KDM4C: variants seen among roughly 807,000 people sequenced by gnomAD.
The protein encoded by KDM4C is lysine demethylase 4C, also known as lysine-specific demethylase 4C.
In KDM4C, 81 loss-of-function variants were observed where a neutral mutation model predicts 129.3. The observed-to-expected ratio is 0.63, with a 90% CI of 0.52 to 0.75. The LOEUF is 0.75. Ranked by LOEUF, KDM4C falls within the 30% of genes least tolerant of loss-of-function variation. The pLI, the probability that KDM4C is intolerant of heterozygous loss-of-function variation, is 0.00. For missense variants in KDM4C, 1,457 were observed against 1,304.0 expected, an observed-to-expected ratio of 1.12 and a Z score of -1.81; for synonymous variants, 573 against 456.1, an observed-to-expected ratio of 1.26 and a Z score of -3.26.
intron 1 of KDM4C, among the ~76,000 whole-genome samples, chr9:6,747,414 G>C (rs1254844928): frequency 1.3e-5 from 2 of 151,792 alleles, no homozygotes; most frequent in Non-Finnish European, 2.9e-5. Context: ...TGGGCGTGGT[G>C]GTGGGCGCCT....
intron 15 of KDM4C, among the ~76,000 whole-genome samples, chr9:7,024,673 T>C (rs1266140180): frequency 6.6e-6 from 1 of 152,250 alleles, no homozygotes; most frequent in Non-Finnish European, 1.5e-5. Flanking sequence ...TCATCATTTT[T>C]TATGGCTGCA....
chr9:6,960,282 AT>A (rs34061929), intron 8 of KDM4C, among the ~76,000 whole-genome samples: 200 of 143,192 alleles, frequency 1.4e-3, no homozygotes, highest in Middle Eastern at 7.2e-3. Flanking sequence ...AATGTTTTTA[AT>A]TTTTTTTTTT....
chr9:6,728,929 G>A (rs1024221860), intron 1 of KDM4C, among the ~76,000 whole-genome samples: 1 of 151,884 alleles, frequency 6.6e-6, no homozygotes, highest in African/African-American at 2.4e-5. Flanking sequence ...AAGAAGGCTG[G>A]GCGCGGTGGT....
At chr9:6,949,237 C>T (rs1827622632) in intron 8 of KDM4C, among the ~76,000 whole-genome samples, 1 of 151,680 alleles carries the variant, frequency 6.6e-6, no homozygotes, top group African/African-American at 2.4e-5. Flanking sequence ...ACGCTCCTCA[C>T]CTCCCAGACG....
At chr9:6,992,756 C>T (rs970863064) in intron 12 of KDM4C, among the ~76,000 whole-genome samples, 6 of 152,200 alleles carry the variant, frequency 3.9e-5, no homozygotes, top group African/African-American at 1.4e-4. Context: ...GATTTTCTGT[C>T]CTAACTATTC....
chr9:6,973,702 A>G (rs1011396204), intron 8 of KDM4C: 1 of 152,188 alleles, frequency 6.6e-6, no homozygotes, highest in Non-Finnish European at 1.5e-5. Flanking sequence ...TTATGCATGC[A>G]TAGCTAGTTT....
At chr9:6,939,244 T>C (rs1056563323) in intron 8 of KDM4C, among the ~76,000 whole-genome samples, 3 of 151,948 alleles carry the variant, frequency 2.0e-5, no homozygotes, top group East Asian at 3.9e-4. Context: ...TAGATTCTCA[T>C]AGAGTGTGAA....
Position 7,133,947 on chromosome 9 carries a change from A to G in KDM4C, c.2781+5711A>G, listed in dbSNP as rs150258247. ...TCCTAGATGTTCAGGTCAGGTAGCC[A>G]TGCATATATGGCATTGGCAGATACC... On this transcript the variant is annotated intron_variant, in intron 19 of 21. Transcript: ENST00000381309. Among the ~76,000 whole-genome samples the G allele has an allele frequency of 1.5e-3, 235 of 152,314 alleles. 1 individual carries two copies. Among genetic ancestry groups the G allele is most frequent in the Admixed American group, 6.0e-3 (92 of 15,302 alleles).
intron 8 of KDM4C, among the ~76,000 whole-genome samples, chr9:6,897,799 T>C (rs1209049026): frequency 1.3e-5 from 2 of 152,244 alleles, no homozygotes; most frequent in Non-Finnish European, 2.9e-5. Context: ...TTAGGAATCT[T>C]TGTAGCTTTG....
intron 9 of KDM4C, among the ~76,000 whole-genome samples, chr9:6,983,330 A>C (rs1303861941): frequency 3.3e-5 from 5 of 152,158 alleles, no homozygotes; most frequent in Admixed American, 6.6e-5. Flanking sequence ...TGTTTGTTTC[A>C]TATGTAAAAA....
rs1396376215 is a variant in KDM4C at position 7,013,933 on chromosome 9, C to A, written c.2114C>A (p.Ala705Asp). Reference sequence around the variant, plus strand: ...AATATAGAATATTCTCCACCCAATGCCTTCCTTGAAGAGGATGGAACAAGT... The same window carrying A: ...AATATAGAATATTCTCCACCCAATGACTTCCTTGAAGAGGATGGAACAAGT... ...EENIEYSPPN[A>D]FLEEDGTSLL... The change falls in exon 14 of 22, where the codon GCC becomes GAC. Residue 705 changes from alanine to aspartate, a missense_variant. By Grantham distance (126) the Ala-to-Asp change is moderately radical. Transcript: ENST00000381309. The A allele has an allele frequency of 6.2e-7, 1 of 1,614,014 alleles. No homozygotes were observed. Among genetic ancestry groups the A allele is most frequent in the Non-Finnish European group, 8.5e-7 (1 of 1,179,890 alleles).
intron 1 of KDM4C, among the ~76,000 whole-genome samples, chr9:6,722,142 T>C (rs986720152): frequency 6.6e-6 from 1 of 152,192 alleles, no homozygotes; most frequent in African/African-American, 2.4e-5. Context: ...AAATTTGGCA[T>C]CCAACCTGAG....
intron 8 of KDM4C, among the ~76,000 whole-genome samples, chr9:6,979,878 C>G (rs748205050): frequency 6.6e-6 from 1 of 152,048 alleles, no homozygotes; most frequent in African/African-American, 2.4e-5. Flanking sequence ...AATAGAAGAA[C>G]TGTGGTATCA....
rs149411966 is a variant in KDM4C, at chr9:6,952,397, C to T, written c.922-28528C>T. On this transcript the variant is annotated intron_variant, in intron 8 of 21. Transcript: ENST00000381309. ...ACTTACTGATATGGGAAATTGTTCA[C>T]AGTGTGTATGTGTGTATATATATAT... 6.6e-3 allele frequency among the ~76,000 whole-genome samples: 890 copies of T among 134,180 alleles called. 9 individuals carry two copies. Among genetic ancestry groups the T allele is most frequent in the African/African-American group, 0.024 (843 of 35,838 alleles). 88.0% of individuals were successfully genotyped at this position (134,180 alleles called of 152,430 possible).
intron 15 of KDM4C, among the ~76,000 whole-genome samples, chr9:7,038,096 A>G (rs1202429071): frequency 1.3e-5 from 2 of 152,120 alleles, no homozygotes; most frequent in South Asian, 2.1e-4. Context: ...GGAAGAGATC[A>G]TAGGTGCCGT....
chr9:7,132,777 C>T (rs1840784578), intron 19 of KDM4C, among the ~76,000 whole-genome samples: 1 of 152,202 alleles, frequency 6.6e-6, no homozygotes, highest in African/African-American at 2.4e-5. Context: ...GTGATGACTG[C>T]TTCCTTTCCT....
chr9:6,824,146 G>A (rs1265177244), intron 4 of KDM4C, among the ~76,000 whole-genome samples: 2 of 152,184 alleles, frequency 1.3e-5, no homozygotes, highest in East Asian at 1.9e-4. Context: ...AAAAATTATT[G>A]TAGCAAATAG....
chr9:6,956,159 G>A (rs1829032707), intron 8 of KDM4C, among the ~76,000 whole-genome samples: 1 of 152,168 alleles, frequency 6.6e-6, no homozygotes, highest in Non-Finnish European at 1.5e-5. Context: ...CAAAAAAATA[G>A]ATTTAATAAG....
chr9:7,019,621 G>C (rs184698462), intron 15 of KDM4C, among the ~76,000 whole-genome samples: 77 of 148,128 alleles, frequency 5.2e-4, no homozygotes, highest in Admixed American at 8.8e-4. Context: ...TTTTTTATGA[G>C]GTATATGAGA....
Sources: gnomAD v4.1 joint callset for allele counts (sites outside exome capture counted in the v4.1 genomes callset) on GRCh38, gnomAD v4.1.1 for gene constraint, MANE v1.5 for transcripts, NCBI Gene and HGNC (gene_info 2026-07-23, HGNC 2026-07-21) for gene names.